ZNF430: variants seen among roughly 807,000 people sequenced by gnomAD.
ZNF430 encodes zinc finger protein 430.
ZNF430 carries 35 observed loss-of-function variants against 56.7 expected under a neutral mutation model. That is an observed-to-expected ratio of 0.62 (90% CI 0.47 to 0.82). The LOEUF (loss-of-function observed/expected upper bound fraction) is 0.82, where lower values mean the gene tolerates loss of function less well. Ranked by LOEUF, ZNF430 falls within the 40% of genes least tolerant of loss-of-function variation. The pLI is 0.00. For missense variants in ZNF430, 574 were observed against 661.0 expected (o/e 0.87, Z 1.44); for synonymous variants, 212 against 224.3 (o/e 0.94, Z 0.49).
At chr19:21,043,539 A>G (rs1968142315) in intron 4 of ZNF430, among the ~76,000 whole-genome samples, 1 of 152,140 alleles carries the variant, frequency 6.6e-6, no homozygotes, top group African/African-American at 2.4e-5. Flanking sequence ...GTGTAGTTTG[A>G]AGTCAGATAG....
At chr19:21,026,215 G>C (rs1029836225) in intron 2 of ZNF430, among the ~76,000 whole-genome samples, 5 of 150,070 alleles carry the variant, frequency 3.3e-5, no homozygotes, top group Non-Finnish European at 5.9e-5. Context: ...TTGAGACGGA[G>C]TCTCACTGTG....
intron 4 of ZNF430, chr19:21,049,520 G>C (rs967917887): frequency 1.3e-5 from 2 of 152,096 alleles, no homozygotes; most frequent in African/African-American, 4.8e-5. Flanking sequence ...GTGTTTCTCA[G>C]ACTGGATCTT....
At chr19:21,043,201 A>G (rs982706483) in intron 4 of ZNF430, among the ~76,000 whole-genome samples, 3 of 152,166 alleles carry the variant, frequency 2.0e-5, no homozygotes, top group Admixed American at 6.5e-5. Flanking sequence ...GTCCATGCCT[A>G]TGTCCTGAAT....
intron 3 of ZNF430, 146 bp from the exon 4 acceptor site, chr19:21,033,940 C>T: frequency 1.6e-6 from 1 of 618,368 alleles, no homozygotes; most frequent in South Asian, 3.8e-5. Flanking sequence ...AAAATATTTT[C>T]TAAATACTTA....
chr19:21,055,010 T>C (rs1968348848), intron 4 of ZNF430, among the ~76,000 whole-genome samples: 1 of 152,048 alleles, frequency 6.6e-6, no homozygotes, highest in South Asian at 2.1e-4. Context: ...GTTAGTCTTT[T>C]TGGTATTTTT....
intron 2 of ZNF430, among the ~76,000 whole-genome samples, chr19:21,027,077 C>T (rs907450104): frequency 2.6e-5 from 4 of 152,082 alleles, no homozygotes; most frequent in African/African-American, 9.6e-5. Flanking sequence ...ATCTGCTCAC[C>T]TCAGCCTCCC....
intron 4 of ZNF430, among the ~76,000 whole-genome samples, chr19:21,044,542 CTTG>C (rs1268033322): frequency 2.0e-5 from 3 of 151,886 alleles, no homozygotes; most frequent in Non-Finnish European, 2.9e-5. Context: ...CTTGAAGTTT[CTTG>C]TTGTTGTTAT....
At chr19:21,038,004 G>A (rs529894193) in intron 4 of ZNF430, among the ~76,000 whole-genome samples, 26 of 151,792 alleles carry the variant, frequency 1.7e-4, no homozygotes, top group Non-Finnish European at 2.8e-4. Context: ...CCATTTTCTC[G>A]GAGGCATTTT....
rs746043747 is a variant in ZNF430, at chr19:21,049,173, CAAAA to C, written c.323-7437_323-7434del. ...TGGGTGACAGAGCAAGACTCCATCT[CAAAA>C]AAAAAAAAAAAAAAAAAAAAGTAAA... On this transcript the variant is annotated intron_variant, in intron 4 of 4. Transcript: ENST00000261560. Among the ~76,000 whole-genome samples the C allele has an allele frequency of 2.5e-3, 161 of 65,254 alleles. 1 individual carries two copies. Among genetic ancestry groups the C allele is most frequent in the African/African-American group, 0.012 (153 of 12,862 alleles). 42.8% of individuals were successfully genotyped at this position (65,254 alleles called of 152,430 possible). A position where few individuals can be genotyped will look rare whatever the true frequency, so the allele number is the denominator to read the frequency against.
rs1041672487 is a variant in ZNF430 at position 21,060,047 on chromosome 19, A to T, written c.*2026A>T. The T allele has an allele frequency of 2.6e-4, 39 of 152,294 alleles. No individual in the cohort carries two copies. Among genetic ancestry groups the T allele is most frequent in the Non-Finnish European group, 4.4e-4 (30 of 68,006 alleles). 9.4% of individuals were successfully genotyped at this position (152,294 alleles called of 1,614,324 possible). On this transcript the variant is annotated 3_prime_UTR_variant, in exon 5 of 5. Transcript: ENST00000261560. ...GTATAATAAAATCCAGTGTATTTTA[A>T]AAATGTTAGGTTATGTGTGGTTAAT...
At chr19:21,024,993 A>T (rs1397670289) in intron 2 of ZNF430, among the ~76,000 whole-genome samples, 3 of 152,134 alleles carry the variant, frequency 2.0e-5, no homozygotes, top group Non-Finnish European at 4.4e-5. Flanking sequence ...TGATTTTTTT[A>T]AATGAGAAAA....
intron 4 of ZNF430, chr19:21,034,984 A>G (rs1462802429): frequency 6.6e-6 from 1 of 152,160 alleles, no homozygotes; most frequent in Non-Finnish European, 1.5e-5. Context: ...TATAGTTTGA[A>G]ATTATAAAGC....
Position 21,025,462 on chromosome 19 carries a change from C to G in ZNF430, c.96+2581C>G, listed in dbSNP as rs116000140. Among the ~76,000 whole-genome samples the G allele has an allele frequency of 5.8e-3, 882 of 152,290 alleles. 10 individuals are homozygous for G. Among genetic ancestry groups the G allele is most frequent in the African/African-American group, 0.02 (846 of 41,562 alleles). On this transcript the variant is annotated intron_variant, in intron 2 of 4. Coordinates refer to ENST00000261560, the MANE Select transcript of ZNF430 (RefSeq NM_025189.4). Reference sequence around the variant, plus strand: ...TATAACCTGTATCTTGTGCTGAACTCTTGTCTCATCCTGTGACTTAGAATG... The same window carrying G: ...TATAACCTGTATCTTGTGCTGAACTGTTGTCTCATCCTGTGACTTAGAATG...
chr19:21,033,538 A>T lies in ZNF430; in HGVS notation c.179A>T (p.Tyr60Phe), dbSNP rs578151854. The stretch of plus-strand genomic sequence containing the variant: ...CTGGACACTGCTCAGCAGGATTTGT[A>T]TAGAAAAGTGATGTTAGAGAACTAC... ...QCLDTAQQDL[Y>F]RKVMLENYRN... The change falls in exon 3 of 5, where the codon TAT (tyrosine) becomes TTT (phenylalanine). Residue 60 changes from tyrosine to phenylalanine, a missense_variant. Coordinates refer to ENST00000261560, the MANE Select transcript of ZNF430 (RefSeq NM_025189.4). 1 of 1,611,722 alleles carries T rather than the reference A, an allele frequency of 6.2e-7. No homozygotes were observed. The highest frequency in any genetic ancestry group is 8.5e-7 in the Non-Finnish European group (1 of 1,178,876).
intron 4 of ZNF430, among the ~76,000 whole-genome samples, chr19:21,055,877 T>C (rs950977338): frequency 3.3e-5 from 5 of 152,190 alleles, no homozygotes; most frequent in Admixed American, 2.6e-4. Flanking sequence ...CATTCCAAAG[T>C]ATACCACCAT....
At chr19:21,042,912 A>T (rs1359645202) in intron 4 of ZNF430, among the ~76,000 whole-genome samples, 1 of 152,182 alleles carries the variant, frequency 6.6e-6, no homozygotes, top group Non-Finnish European at 1.5e-5. Flanking sequence ...TTTCTTGGCC[A>T]CATAAATTTA....
intron 2 of ZNF430, among the ~76,000 whole-genome samples, chr19:21,029,158 G>A (rs190932189): frequency 6.6e-6 from 1 of 152,288 alleles, no homozygotes; most frequent in African/African-American, 2.4e-5. Context: ...AAGCAGTCAT[G>A]ATCCTTACTA....
chr19:21,022,569 T>C (rs1253314711), intron 1 of ZNF430, among the ~76,000 whole-genome samples: 1 of 152,174 alleles, frequency 6.6e-6, no homozygotes, highest in Non-Finnish European at 1.5e-5. Flanking sequence ...GTGCTTCTTC[T>C]CCTTGTATCT....
In ZNF430 at chr19:21,059,366, A is replaced by G. The variant is rs1229248089; in HGVS notation, c.*1345A>G. On this transcript the variant is annotated 3_prime_UTR_variant, in exon 5 of 5. Coordinates refer to ENST00000261560, the MANE Select transcript of ZNF430 (RefSeq NM_025189.4). Reference sequence around the variant, plus strand: ...TGAGACCAGCCTGACTAACATGGAGAAAACACGGCTCTACTAAAAATACAA... The same window carrying G: ...TGAGACCAGCCTGACTAACATGGAGGAAACACGGCTCTACTAAAAATACAA... The G allele has an allele frequency of 2.0e-5, 3 of 152,112 alleles. No individual in the cohort carries two copies. Among genetic ancestry groups the G allele is most frequent in the Non-Finnish European group, 4.4e-5 (3 of 68,054 alleles). 9.4% of individuals were successfully genotyped at this position (152,112 alleles called of 1,614,324 possible).
Sources: allele counts gnomAD v4.1 joint callset (sites outside exome capture counted in the v4.1 genomes callset), GRCh38; gene constraint gnomAD v4.1.1; transcripts MANE v1.5; gene names NCBI Gene and HGNC (gene_info 2026-07-23, HGNC 2026-07-21).